RAD51B: variants seen among roughly 807,000 people sequenced by gnomAD.
RAD51B encodes the protein DNA repair protein RAD51 homolog 2.
A neutral mutation model predicts 42.2 loss-of-function variants in RAD51B; 38 were observed. The observed-to-expected ratio is 0.90, with a 90% CI of 0.70 to 1.18. The LOEUF is 1.18. Ranked by LOEUF, RAD51B falls within the 50% of genes most tolerant of loss-of-function variation. The probability of loss-of-function intolerance (pLI) is 0.00; values close to 1 mark genes in which losing one functional copy is unlikely to be tolerated. For missense variants in RAD51B, 373 were observed against 400.7 expected, an observed-to-expected ratio of 0.93 and a Z score of 0.59; for synonymous variants, 154 against 145.2, an observed-to-expected ratio of 1.06 and a Z score of -0.43.
At chr14:68,264,821 ATTTCCTTCTTTACCG>A in intron 7 of RAD51B, among the ~76,000 whole-genome samples, 1 of 152,256 alleles carries the variant, frequency 6.6e-6, no homozygotes, top group South Asian at 2.1e-4. Flanking sequence ...ACTGTGTTTA[ATTTCCTTCTTTACCG>A]TTTCTCGTCT....
intron 9 of RAD51B, among the ~76,000 whole-genome samples, chr14:68,422,948 C>T (rs1435276006): frequency 6.6e-6 from 1 of 152,030 alleles, no homozygotes; most frequent in Non-Finnish European, 1.5e-5. Flanking sequence ...TGCTTGAAGC[C>T]GAGGTTTTTT....
intron 7 of RAD51B, chr14:67,908,333 G>A (rs979232025): frequency 6.6e-6 from 1 of 152,174 alleles, no homozygotes; most frequent in African/African-American, 2.4e-5. Flanking sequence ...GGCTAGGGCT[G>A]ACCTTAAGGG....
chr14:68,114,219 C>T (rs943442833), intron 7 of RAD51B: 1 of 152,056 alleles, frequency 6.6e-6, no homozygotes, highest in Admixed American at 6.6e-5. Context: ...TAGTCCTGAG[C>T]CACAGCCAAC....
chr14:68,154,706 T>TC (rs1273193931), intron 7 of RAD51B, among the ~76,000 whole-genome samples: 1 of 152,188 alleles, frequency 6.6e-6, no homozygotes, highest in East Asian at 1.9e-4. Flanking sequence ...TTTTTTTTTT[T>TC]TTCCCTCATC....
chr14:67,859,136 C>A (rs2042085423), intron 4 of RAD51B, among the ~76,000 whole-genome samples: 1 of 152,178 alleles, frequency 6.6e-6, no homozygotes, highest in Non-Finnish European at 1.5e-5. Flanking sequence ...TGTTGGGTAT[C>A]AGTTATAGTG....
intron 7 of RAD51B, among the ~76,000 whole-genome samples, chr14:67,965,732 G>T (rs945315296): frequency 1.3e-5 from 2 of 151,992 alleles, no homozygotes; most frequent in African/African-American, 4.8e-5. Flanking sequence ...CTATGTAATT[G>T]TGCTTTTGAT....
chr14:67,917,835 G>C (rs533939381), intron 7 of RAD51B, among the ~76,000 whole-genome samples: 1 of 152,066 alleles, frequency 6.6e-6, no homozygotes, highest in Non-Finnish European at 1.5e-5. Flanking sequence ...TATATATATT[G>C]AGTTTGAGAT....
intron 8 of RAD51B, among the ~76,000 whole-genome samples, chr14:68,401,345 G>C (rs913608431): frequency 1.3e-5 from 2 of 152,332 alleles, no homozygotes; most frequent in South Asian, 4.1e-4. Context: ...CTGGGAAACT[G>C]AAGGTATTTT....
At chr14:68,356,047 C>A (rs1456100345) in intron 8 of RAD51B, among the ~76,000 whole-genome samples, 1 of 152,122 alleles carries the variant, frequency 6.6e-6, no homozygotes, top group East Asian at 1.9e-4. Flanking sequence ...ATAGCCATAT[C>A]TTGAGGATAT....
At chr14:67,851,883 G>A (rs910170027) in intron 4 of RAD51B, among the ~76,000 whole-genome samples, 5 of 152,042 alleles carry the variant, frequency 3.3e-5, no homozygotes, top group African/African-American at 9.7e-5. Context: ...CTGTGCTGGC[G>A]GCCCAAGTCA....
Position 68,449,383 on chromosome 14 carries a change from G to C in RAD51B, c.958-18789G>C, listed in dbSNP as rs1056304360. Among the ~76,000 whole-genome samples the C allele has an allele frequency of 5.3e-5, 8 of 152,298 alleles. 1 individual carries two copies. In the East Asian group the frequency reaches 1.5e-3, roughly 29 times the overall value. ...AAGAGCATGGTAAACATTTTACAAA[G>C]TCTCCTTAAAGATGCTGGTCTGGAC... On this transcript the variant is annotated intron_variant, in intron 9 of 10. Coordinates refer to ENST00000471583, the MANE Select transcript of RAD51B (RefSeq NM_133510.4).
At chr14:68,578,848 C>G (rs1485259678) in intron 10 of RAD51B, among the ~76,000 whole-genome samples, 1 of 152,206 alleles carries the variant, frequency 6.6e-6, no homozygotes, top group Non-Finnish European at 1.5e-5. Flanking sequence ...ATGGGTGTGT[C>G]ATTCGACCTT....
At chr14:68,559,884 C>T (rs1445452116) in intron 10 of RAD51B, among the ~76,000 whole-genome samples, 2 of 152,206 alleles carry the variant, frequency 1.3e-5, no homozygotes, top group Non-Finnish European at 2.9e-5. Context: ...TATGTCTGCC[C>T]TGGGGTCCCC....
intron 7 of RAD51B, among the ~76,000 whole-genome samples, chr14:67,888,033 T>G (rs1419156002): frequency 6.6e-6 from 1 of 152,214 alleles, no homozygotes; most frequent in Non-Finnish European, 1.5e-5. Context: ...TTTTTAGATT[T>G]GTTTTTGGAA....
chr14:67,822,380 A>G (rs547077562), intron 1 of RAD51B: 6 of 152,296 alleles, frequency 3.9e-5, no homozygotes, highest in African/African-American at 1.4e-4. Flanking sequence ...AGCTAGTGTA[A>G]TAAAGAACAT....
chr14:68,183,338 G>A (rs897458580), intron 7 of RAD51B, among the ~76,000 whole-genome samples: 1 of 144,334 alleles, frequency 6.9e-6, no homozygotes, highest in Non-Finnish European at 1.5e-5. Flanking sequence ...ATGTTCAAGC[G>A]CAGGAAGCAT....
In RAD51B at chr14:67,828,705, T is replaced by G. The variant is rs951646787; in HGVS notation, c.198+3128T>G. Among the ~76,000 whole-genome samples the G allele has an allele frequency of 2.0e-5, 3 of 152,206 alleles. No individual in the cohort carries two copies. In the East Asian group the frequency reaches 5.8e-4, roughly 29 times the overall value. On this transcript the variant is annotated intron_variant, in intron 3 of 10. Coordinates refer to ENST00000471583, the MANE Select transcript of RAD51B (RefSeq NM_133510.4). Reference sequence around the variant, plus strand: ...GGGGTCCAGTTTCAGTTTCCTCATATGGCTAGTCAGTTCTCCCAGCATCAT... The same window carrying G: ...GGGGTCCAGTTTCAGTTTCCTCATAGGGCTAGTCAGTTCTCCCAGCATCAT...
intron 10 of RAD51B, among the ~76,000 whole-genome samples, chr14:68,630,865 A>G (rs940067566): frequency 1.1e-4 from 16 of 151,846 alleles, no homozygotes; most frequent in African/African-American, 3.6e-4. Flanking sequence ...CTGGCCAACA[A>G]CTCCATTTCA....
At chr14:67,958,185 T>C (rs2074589343) in intron 7 of RAD51B, among the ~76,000 whole-genome samples, 2 of 152,246 alleles carry the variant, frequency 1.3e-5, no homozygotes, top group Admixed American at 1.3e-4. Flanking sequence ...GAACCATGTC[T>C]GTTTATTTTG....
Sources: allele counts gnomAD v4.1 joint callset (sites outside exome capture counted in the v4.1 genomes callset), GRCh38; gene constraint gnomAD v4.1.1; transcripts MANE v1.5; gene names NCBI Gene and HGNC (gene_info 2026-07-23, HGNC 2026-07-21).